Variants in LRTM2 observed in about 807,000 individuals in gnomAD.
The protein encoded by LRTM2 is leucine-rich repeat and transmembrane domain-containing protein 2.
In LRTM2, 18 loss-of-function variants were observed where a neutral mutation model predicts 28.1. That is an observed-to-expected ratio of 0.64 (90% CI 0.44 to 0.95). The LOEUF (loss-of-function observed/expected upper bound fraction) is 0.95. Ranked by LOEUF, LRTM2 falls within the 40% of genes least tolerant of loss-of-function variation. The pLI is 0.00. For missense variants in LRTM2, 436 were observed against 497.2 expected, an observed-to-expected ratio of 0.88 and a Z score of 1.17; for synonymous variants, 250 against 218.7, an observed-to-expected ratio of 1.14 and a Z score of -1.26.
At chr12:1,832,404 A>G (rs913088077) in intron 4 of LRTM2, among the ~76,000 whole-genome samples, 1 of 152,250 alleles carries the variant, frequency 6.6e-6, no homozygotes, top group East Asian at 1.9e-4. Flanking sequence ...TGAGTCCTCA[A>G]TAAAACGTCC....
At chr12:1,822,169 G>T (rs931644907) in intron 1 of LRTM2, 2 of 152,152 alleles carry the variant, frequency 1.3e-5, no homozygotes, top group African/African-American at 2.4e-5. Context: ...TTAAGCAGCC[G>T]ATCTGGTGTC....
At position 1,828,290 on chromosome 12, in the gene LRTM2, T is replaced by C; in HGVS notation, c.67+75T>C. The C allele has an allele frequency of 7.6e-7, 1 of 1,308,932 alleles. No individual in the cohort carries two copies. Among genetic ancestry groups the C allele is most frequent in the African/African-American group, 1.5e-5 (1 of 67,158 alleles). The allele number at this position is 1,308,932 out of a possible 1,614,324, so 81.1% of individuals were successfully genotyped here. On this transcript the variant is annotated intron_variant, in intron 3 of 4. Coordinates refer to ENST00000299194, the MANE Select transcript of LRTM2 (RefSeq NM_001039029.3). The surrounding 1 kb of genome is among the most constrained non-coding windows in gnomAD (Gnocchi z 4.2). ...CGAGGTGACTGTAGGTAGCGCCATATGGGACCTTAGCCACACTCAGGCTGC... is the reference window on the plus strand; with the variant it reads ...CGAGGTGACTGTAGGTAGCGCCATACGGGACCTTAGCCACACTCAGGCTGC...
chr12:1,832,125 A>G (rs1044610343), intron 4 of LRTM2, among the ~76,000 whole-genome samples: 1 of 152,128 alleles, frequency 6.6e-6, no homozygotes, highest in Non-Finnish European at 1.5e-5. Flanking sequence ...TTTCTTTAAT[A>G]TGGGAAAGTG....
chr12:1,821,798 C>CT (rs1180962152), intron 1 of LRTM2, among the ~76,000 whole-genome samples: 2 of 152,180 alleles, frequency 1.3e-5, no homozygotes, highest in Non-Finnish European at 2.9e-5. Flanking sequence ...CCCTGCAGGT[C>CT]TGGGGCTGGG....
At position 1,828,182 on chromosome 12, in the gene LRTM2, G is replaced by A. The variant is rs371120797; in HGVS notation, c.34G>A (p.Gly12Ser). ...GCCGGGCAGCAGCCCTGGGCAGAGG[G>A]GCAGGCTCGCCCTGCAGTGGAGGCA... Reference protein sequence around the residue: ...LAPGSSPGQRGRLALQWRQVS... With the variant: ...LAPGSSPGQRSRLALQWRQVS... Residue 12 changes from glycine to serine, a missense_variant, in exon 3 of 5, where the codon GGC becomes AGC. Transcript: ENST00000299194. This position sits in a 1 kb window ranked among gnomAD's most constrained non-coding sequence, Gnocchi z 4.2. 101 of 1,547,274 alleles carry A rather than the reference G, an allele frequency of 6.5e-5. No homozygotes were observed. Among genetic ancestry groups the A allele is most frequent in the South Asian group, 4.5e-4 (38 of 83,696 alleles).
Position 1,834,360 on chromosome 12 carries a change from C to T in LRTM2, c.752C>T (p.Ser251Phe). Residue 251 changes from serine (S) to phenylalanine (F), a missense_variant, in exon 5 of 5, where the codon TCC (serine) becomes TTC (phenylalanine). Transcript: ENST00000299194. This position sits in a 1 kb window ranked among gnomAD's most constrained non-coding sequence, Gnocchi z 7.6. ...MVPMEMFNYC[S>F]QLEDENSSAG... ...CCCATGGAGATGTTCAACTACTGCT[C>T]CCAGCTGGAGGACGAGAATAGCTCA... The T allele has an allele frequency of 6.2e-7, 1 of 1,613,166 alleles. No homozygotes were observed. Among genetic ancestry groups the T allele is most frequent in the Non-Finnish European group, 8.5e-7 (1 of 1,179,984 alleles).
At chr12:1,832,799 CCTT>C (rs1327941929) in intron 4 of LRTM2, among the ~76,000 whole-genome samples, 1 of 152,182 alleles carries the variant, frequency 6.6e-6, no homozygotes, top group Non-Finnish European at 1.5e-5. Context: ...TTGAGATAGA[CCTT>C]CTTATTTTAC....
chr12:1,826,141 C>A (rs1329444026), intron 1 of LRTM2, among the ~76,000 whole-genome samples: 1 of 152,106 alleles, frequency 6.6e-6, no homozygotes. Context: ...GCTGCTGACA[C>A]CCCTCTCCTC....
chr12:1,826,629 C>T (rs373502416), intron 1 of LRTM2, among the ~76,000 whole-genome samples: 1 of 152,236 alleles, frequency 6.6e-6, no homozygotes. Context: ...GGCAGACTGG[C>T]ACCCTCGCTG....
intron 3 of LRTM2, among the ~76,000 whole-genome samples, chr12:1,830,533 A>G (rs1864574838): frequency 6.6e-6 from 1 of 152,254 alleles, no homozygotes; most frequent in Non-Finnish European, 1.5e-5. Context: ...TGACAACCTT[A>G]TCTCCTTTCT....
rs757724878 is a variant in LRTM2 at position 1,831,487 on chromosome 12, G to A, written c.620G>A (p.Arg207His). 1.5e-5 allele frequency: 24 copies of A among 1,613,738 alleles called. No individual in the cohort carries two copies. Among genetic ancestry groups the A allele is most frequent in the South Asian group, 6.6e-5 (6 of 91,094 alleles). The change falls in exon 4 of 5, where the codon CGT (arginine) becomes CAT (histidine). Residue 207 changes from arginine (R) to histidine (H), a missense_variant. Transcript: ENST00000299194. ...DNPWECDCNL[R>H]EFKHWMEWFS... ...CCCTGGGAGTGTGACTGTAACCTGC[G>A]TGAGTTCAAACACTGGATGGAGTGG...
chr12:1,825,662 G>A (rs1273176943), intron 1 of LRTM2, among the ~76,000 whole-genome samples: 3 of 152,246 alleles, frequency 2.0e-5, no homozygotes, highest in Non-Finnish European at 4.4e-5. Flanking sequence ...ACAGCTCTCT[G>A]TGGGTGTGTG....
chr12:1,834,216 G>C lies in LRTM2; in HGVS notation c.659-51G>C, dbSNP rs1012934964. ...GGGGAGCTGGGGATGGGGAGAGGGA[G>C]TGCAAGTTCTAGATGCCTGGTCAGC... On this transcript the variant is annotated intron_variant, in intron 4 of 4. Transcript: ENST00000299194. The surrounding 1 kb of genome is among the most constrained non-coding windows in gnomAD (Gnocchi z 7.6). 2.0e-6 allele frequency: 3 copies of C among 1,512,948 alleles called. No individual in the cohort carries two copies. In the African/African-American group the frequency reaches 4.2e-5, roughly 21 times the overall value. 93.7% of individuals were successfully genotyped at this position (1,512,948 alleles called of 1,614,324 possible). A position where few individuals can be genotyped will look rare whatever the true frequency, so the allele number is the denominator to read the frequency against.
In LRTM2 at chr12:1,828,239, GGGGGGTGCGGGTTGGGT is replaced by G; in HGVS notation, c.67+33_67+49del. On this transcript the variant is annotated intron_variant, in intron 3 of 4. Coordinates refer to ENST00000299194, the MANE Select transcript of LRTM2 (RefSeq NM_001039029.3). This position sits in a 1 kb window ranked among gnomAD's most constrained non-coding sequence, Gnocchi z 4.2. ...CTGTGAGTACACCCCTGGCCTCGGAGGGGGGTGCGGGTTGGGTGGGGGTGCCGAGGTGACTGTAGGTA... is the reference window on the plus strand; with the variant it reads ...CTGTGAGTACACCCCTGGCCTCGGAGGGGGGTGCCGAGGTGACTGTAGGTA... The G allele has an allele frequency of 6.5e-7, 1 of 1,527,716 alleles. No homozygotes were observed. Among genetic ancestry groups the G allele is most frequent in the Non-Finnish European group, 8.8e-7 (1 of 1,134,664 alleles). 94.6% of individuals were successfully genotyped at this position (1,527,716 alleles called of 1,614,324 possible). A position where few individuals can be genotyped will look rare whatever the true frequency, so the allele number is the denominator to read the frequency against.
At chr12:1,830,288 C>T (rs1259845178) in intron 3 of LRTM2, among the ~76,000 whole-genome samples, 2 of 152,254 alleles carry the variant, frequency 1.3e-5, no homozygotes, top group Admixed American at 6.5e-5. Flanking sequence ...TCTAAATCCT[C>T]ATGCCAAACT....
Position 1,828,911 on chromosome 12 carries a change from C to A in LRTM2, c.67+696C>A, listed in dbSNP as rs1310796631. On this transcript the variant is annotated intron_variant, in intron 3 of 4. Coordinates refer to ENST00000299194, the MANE Select transcript of LRTM2 (RefSeq NM_001039029.3). This position sits in a 1 kb window ranked among gnomAD's most constrained non-coding sequence, Gnocchi z 4.2. The stretch of plus-strand genomic sequence containing the variant: ...TTTATATGTGGCAAAGGGACCAGGT[C>A]AGCAAGGGCTGGTCTGCCCAAGGCT... 2.0e-5 allele frequency among the ~76,000 whole-genome samples: 3 copies of A among 152,200 alleles called. No homozygotes were observed. The highest frequency in any genetic ancestry group is 4.4e-5 in the Non-Finnish European group (3 of 68,036).
rs755001714 is a variant in LRTM2, at chr12:1,834,338, A to G, written c.730A>G (p.Met244Val). ...GGGGAAGGACATGCGGATGGTCCCC[A>G]TGGAGATGTTCAACTACTGCTCCCA... is the stretch of plus-strand genomic sequence containing the variant. Reference protein sequence around the residue: ...LRGKDMRMVPMEMFNYCSQLE... With the variant: ...LRGKDMRMVPVEMFNYCSQLE... Residue 244 changes from methionine (M) to valine (V), a missense_variant, in exon 5 of 5, where the codon ATG becomes GTG. Physicochemically the swap from Met to Val is conservative, Grantham distance 21. Coordinates refer to ENST00000299194, the MANE Select transcript of LRTM2 (RefSeq NM_001039029.3). This position sits in a 1 kb window ranked among gnomAD's most constrained non-coding sequence, Gnocchi z 7.6. The G allele has an allele frequency of 6.2e-7, 1 of 1,612,864 alleles. No individual in the cohort carries two copies. The highest frequency in any genetic ancestry group is 1.1e-5 in the South Asian group (1 of 90,980).
rs747102910 is a variant in LRTM2 at position 1,828,119 on chromosome 12, G to A, written c.-30G>A. ...CCAGGGGCTCCTCTCTCCCCAGAGCGACAGGGCCCGGAGAGCCGTGGGCCT... is the reference window on the plus strand; with the variant it reads ...CCAGGGGCTCCTCTCTCCCCAGAGCAACAGGGCCCGGAGAGCCGTGGGCCT... On this transcript the variant is annotated 5_prime_UTR_variant, in exon 3 of 5. Coordinates refer to ENST00000299194, the MANE Select transcript of LRTM2 (RefSeq NM_001039029.3). This position sits in a 1 kb window ranked among gnomAD's most constrained non-coding sequence, Gnocchi z 4.2. The A allele has an allele frequency of 8.2e-5, 124 of 1,508,212 alleles. No homozygotes were observed. The Middle Eastern group carries it at 8.3e-4, about 10-fold the overall frequency. The allele number at this position is 1,508,212 out of a possible 1,614,324, so 93.4% of individuals were successfully genotyped here. A position where few individuals can be genotyped will look rare whatever the true frequency, so the allele number is the denominator to read the frequency against.
Position 1,824,831 on chromosome 12 carries a change from G to A in LRTM2, c.-258-2579G>A, listed in dbSNP as rs547071337. Among the ~76,000 whole-genome samples, 3 of 152,290 alleles carry A rather than the reference G, an allele frequency of 2.0e-5. No individual in the cohort carries two copies. The South Asian group carries it at 6.2e-4, about 32-fold the overall frequency. ...AAGGAACTAGGGAGTGCTGGCTGCA[G>A]CCCCACCTCTCTCTAGGAGTCCCTC... On this transcript the variant is annotated intron_variant, in intron 1 of 4. Coordinates refer to ENST00000299194, the MANE Select transcript of LRTM2 (RefSeq NM_001039029.3).
Sources: allele counts gnomAD v4.1 joint callset (sites outside exome capture counted in the v4.1 genomes callset), GRCh38; gene constraint gnomAD v4.1.1; non-coding constraint Gnocchi (gnomAD v3.1); transcripts MANE v1.5; gene names NCBI Gene and HGNC (gene_info 2026-07-23, HGNC 2026-07-21).